NAV2: variants seen among roughly 807,000 people sequenced by gnomAD.
NAV2 encodes the protein helicase, APC down-regulated 1.
NAV2 carries 54 observed loss-of-function variants against 223.2 expected under a neutral mutation model. The ratio of observed to expected loss-of-function variants is 0.24; its 90% CI spans 0.19 to 0.30. The LOEUF is 0.30. NAV2 is among the 10% of genes least tolerant of loss of function. NAV2 has a pLI of 1.00. For missense variants in NAV2, 2,806 were observed against 3,147.5 expected (o/e 0.89, Z 2.60); for synonymous variants, 1,279 against 1,239.3 (o/e 1.03, Z -0.67).
intron 1 of NAV2, among the ~76,000 whole-genome samples, chr11:19,609,000 C>T (rs2046557353): frequency 6.6e-6 from 1 of 152,292 alleles, no homozygotes; most frequent in East Asian, 1.9e-4. Context: ...CCTTCTTCTC[C>T]CATCTTTAAG....
rs536739233 is a variant in NAV2, at chr11:20,045,256, C to T, written c.3488C>T (p.Ala1163Val). ...TCATCTGCACTCGTCAGTCGGTCTG[C>T]TGGTCGGAAGTCAAGTATGGATGGG... ...PKSSALVSRS[A>V]GRKSSMDGAQ... is the part of the protein sequence containing the mutation. The change falls in exon 14 of 38, where the codon GCT (alanine) becomes GTT (valine). Residue 1163 changes from alanine (A) to valine (V), a missense_variant. This residue lies in a region of NAV2 where 742 missense variants were observed against 777.9 expected (regional missense o/e 0.95). Transcript: ENST00000349880. 7.4e-6 allele frequency: 12 copies of T among 1,614,222 alleles called. No homozygotes were observed. In the South Asian group the frequency reaches 1.3e-4, roughly 18 times the overall value.
intron 12 of NAV2, 66 bp downstream of exon 12, chr11:20,036,163 G>C (rs1446742950): frequency 3.8e-6 from 6 of 1,590,650 alleles, no homozygotes; most frequent in Non-Finnish European, 5.2e-6. Context: ...TTGGGCTTGT[G>C]GGGTAAGAGG....
intron 1 of NAV2, among the ~76,000 whole-genome samples, chr11:19,405,507 C>T (rs1564911244): frequency 6.6e-6 from 1 of 152,286 alleles, no homozygotes; most frequent in East Asian, 1.9e-4. Flanking sequence ...TAACATGAGG[C>T]TGCTGAAAGG....
At chr11:19,350,442 A>G (rs1853246198), upstream of NAV2, among the ~76,000 whole-genome samples, 1 of 152,264 alleles carries the variant, frequency 6.6e-6, no homozygotes, top group African/African-American at 2.4e-5. Context: ...GAACGCTTGC[A>G]GGAGCCATGA....
At chr11:19,926,623 G>A (rs1270868485) in intron 6 of NAV2, among the ~76,000 whole-genome samples, 1 of 146,224 alleles carries the variant, frequency 6.8e-6, no homozygotes, top group Non-Finnish European at 1.5e-5. Flanking sequence ...TCATGTGGCT[G>A]GAGTCAATAC....
At chr11:19,571,694 G>A (rs2134903548) in intron 1 of NAV2, among the ~76,000 whole-genome samples, 1 of 150,692 alleles carries the variant, frequency 6.6e-6, no homozygotes, top group Non-Finnish European at 1.5e-5. Context: ...CAACAAGAGC[G>A]AGACTCCATC....
chr11:19,776,577 G>GGTGTGTGTGTGTGT lies in NAV2; in HGVS notation c.268-55889_268-55876dup, dbSNP rs71050684. On this transcript the variant is annotated intron_variant, in intron 1 of 37. Coordinates refer to ENST00000349880, the MANE Select transcript of NAV2 (RefSeq NM_145117.5). ...AACGCAGCGTGTGGGCTGGGGCAGG[G>GGTGTGTGTGTGTGT]GTGTGTGTGTGTGTGTGTGTGTGTG... Among the ~76,000 whole-genome samples, 751 of 116,172 alleles carry GGTGTGTGTGTGTGT rather than the reference G, an allele frequency of 6.5e-3. 49 individuals are homozygous for GGTGTGTGTGTGTGT. The highest frequency in any genetic ancestry group is 0.024 in the African/African-American group (626 of 26,052). 76.2% of individuals were successfully genotyped at this position (116,172 alleles called of 152,430 possible).
chr11:19,873,541 G>A (rs1013714752), intron 4 of NAV2, among the ~76,000 whole-genome samples: 1 of 152,116 alleles, frequency 6.6e-6, no homozygotes, highest in Non-Finnish European at 1.5e-5. Context: ...GCTTTGAAGT[G>A]AAACCACTTG....
intron 19 of NAV2, among the ~76,000 whole-genome samples, chr11:20,057,386 A>C (rs188087947): frequency 6.6e-6 from 1 of 152,296 alleles, no homozygotes; most frequent in Non-Finnish European, 1.5e-5. Flanking sequence ...ATACCATGAC[A>C]TTCAGTGAAC....
chr11:19,978,341 G>T (rs2049987580), intron 10 of NAV2, among the ~76,000 whole-genome samples: 1 of 152,186 alleles, frequency 6.6e-6, no homozygotes, highest in South Asian at 2.1e-4. Context: ...AGGGGCCTGT[G>T]AAAGCATATG....
chr11:19,378,954 T>C (rs1048532568), intron 1 of NAV2, among the ~76,000 whole-genome samples: 1 of 152,200 alleles, frequency 6.6e-6, no homozygotes, highest in Non-Finnish European at 1.5e-5. Context: ...GCCCATGGCC[T>C]GAGTTCAAGC....
intron 1 of NAV2, among the ~76,000 whole-genome samples, chr11:19,653,824 T>G (rs558853398): frequency 3.3e-5 from 5 of 152,300 alleles, no homozygotes; most frequent in African/African-American, 1.2e-4. Flanking sequence ...GCATCCCAGC[T>G]GGCAGAGTTG....
At position 19,793,132 on chromosome 11, in the gene NAV2, C is replaced by T. The variant is rs998703000; in HGVS notation, c.268-39352C>T. ...GCTGAGGCAGGAGAATTGCTGGAAC[C>T]CAGGTACAGAGGTTGCAGTGAGCCG... On this transcript the variant is annotated intron_variant, in intron 1 of 37. Coordinates refer to ENST00000349880, the MANE Select transcript of NAV2 (RefSeq NM_145117.5). Among the ~76,000 whole-genome samples the T allele has an allele frequency of 6.3e-4, 95 of 149,890 alleles. 1 individual carries two copies. The highest frequency in any genetic ancestry group is 2.5e-4 in the Non-Finnish European group (17 of 67,690).
rs116790818 is a variant in NAV2 at position 19,979,366 on chromosome 11, A to G, written c.2646-4759A>G. Reference sequence around the variant, plus strand: ...AGAGGCCTGGCATCCAAGATGTTCAAAACCATCCCCCAGGTCCCATGCAGC... The same window carrying G: ...AGAGGCCTGGCATCCAAGATGTTCAGAACCATCCCCCAGGTCCCATGCAGC... On this transcript the variant is annotated intron_variant, in intron 10 of 37. Transcript: ENST00000349880. Among the ~76,000 whole-genome samples, 643 of 152,266 alleles carry G rather than the reference A, an allele frequency of 4.2e-3. 1 individual carries two copies. Among genetic ancestry groups the G allele is most frequent in the African/African-American group, 0.015 (614 of 41,554 alleles).
intron 1 of NAV2, among the ~76,000 whole-genome samples, chr11:19,721,884 G>T (rs775506332): frequency 2.0e-5 from 3 of 152,202 alleles, no homozygotes; most frequent in Non-Finnish European, 4.4e-5. Flanking sequence ...GAAAAATAAG[G>T]TGAGAACATC....
At chr11:19,853,374 C>T (rs2061247608) in intron 3 of NAV2, among the ~76,000 whole-genome samples, 2 of 152,196 alleles carry the variant, frequency 1.3e-5, no homozygotes, top group South Asian at 4.1e-4. Flanking sequence ...AATCCTTTTG[C>T]TTTTTGGAAA....
chr11:19,978,661 T>G lies in NAV2; in HGVS notation c.2646-5464T>G, dbSNP rs986228002. The G allele has an allele frequency of 4.6e-5, 7 of 151,512 alleles. No homozygotes were observed. In the East Asian group the frequency reaches 5.8e-4, roughly 13 times the overall value. The allele number at this position is 151,512 out of a possible 1,614,324, so 9.4% of individuals were successfully genotyped here. A position where few individuals can be genotyped will look rare whatever the true frequency, so the allele number is the denominator to read the frequency against. On this transcript the variant is annotated intron_variant, in intron 10 of 37. Coordinates refer to ENST00000349880, the MANE Select transcript of NAV2 (RefSeq NM_145117.5). Reference sequence around the variant, plus strand: ...CTTGCATCTGAGAGGTTTTTTTTTTTTTTTTTTTTTTATGTCATGCTCTAT... The same window carrying G: ...CTTGCATCTGAGAGGTTTTTTTTTTGTTTTTTTTTTTATGTCATGCTCTAT...
At chr11:19,575,971 A>G (rs1452782538) in intron 1 of NAV2, among the ~76,000 whole-genome samples, 1 of 152,170 alleles carries the variant, frequency 6.6e-6, no homozygotes, top group Non-Finnish European at 1.5e-5. Flanking sequence ...TGCCCAGTTG[A>G]GCCTGGGTGG....
intron 6 of NAV2, among the ~76,000 whole-genome samples, chr11:19,929,240 G>A (rs1362560451): frequency 2.0e-5 from 3 of 152,012 alleles, no homozygotes; most frequent in African/African-American, 7.3e-5. Flanking sequence ...GTGACAGAGT[G>A]AGATTCCATC....
Sources: allele counts gnomAD v4.1 joint callset (sites outside exome capture counted in the v4.1 genomes callset), GRCh38; gene constraint gnomAD v4.1.1; regional missense constraint gnomAD v4.1.1; transcripts MANE v1.5; gene names NCBI Gene and HGNC (gene_info 2026-07-23, HGNC 2026-07-21).